HIBCH: variants seen among roughly 807,000 people sequenced by gnomAD.
HIBCH encodes 3-hydroxyisobutyryl-CoA hydrolase, also known as 3-hydroxyisobutyryl-CoA hydrolase, mitochondrial.
HIBCH carries 50 observed loss-of-function variants against 58.2 expected under a neutral mutation model. That is an observed-to-expected ratio of 0.86 (90% CI 0.68 to 1.09). The LOEUF is 1.09. Ranked by LOEUF, HIBCH falls within the 50% of genes least tolerant of loss-of-function variation. The pLI is 0.00. For missense variants in HIBCH, 450 were observed against 449.7 expected, an observed-to-expected ratio of 1.00 and a Z score of -0.01; for synonymous variants, 151 against 146.9, an observed-to-expected ratio of 1.03 and a Z score of -0.20.
chr2:190,234,498 A>G (rs1479041970), intron 11 of HIBCH, among the ~76,000 whole-genome samples: 1 of 152,214 alleles, frequency 6.6e-6, no homozygotes, highest in African/African-American at 2.4e-5. Context: ...TGTAAGTACA[A>G]TCTGGATGAA....
At chr2:190,198,454 A>G (rs893957402) in intron 1 of HIBCH, among the ~76,000 whole-genome samples, 12 of 152,020 alleles carry the variant, frequency 7.9e-5, no homozygotes, top group African/African-American at 2.7e-4. Flanking sequence ...CAGCCTGGGC[A>G]AAATGGCAAA....
intron 11 of HIBCH, among the ~76,000 whole-genome samples, chr2:190,227,354 ACTGGC>A (rs1356877412): frequency 2.6e-5 from 4 of 152,210 alleles, no homozygotes; most frequent in African/African-American, 9.6e-5. Context: ...TGCTGGGAAA[ACTGGC>A]TAGCCATATG....
intron 6 of HIBCH, among the ~76,000 whole-genome samples, chr2:190,271,021 TATTA>T (rs1687382005): frequency 6.6e-6 from 1 of 151,990 alleles, no homozygotes. Context: ...TACATATTAT[TATTA>T]ATTATTTACC....
intron 2 of HIBCH, among the ~76,000 whole-genome samples, chr2:190,308,532 G>A (rs1688474759): frequency 6.6e-6 from 1 of 152,244 alleles, no homozygotes; most frequent in African/African-American, 2.4e-5. Context: ...GAGTAAGACT[G>A]TAGGTTTATA....
At chr2:190,305,964 T>C (rs922920911) in intron 2 of HIBCH, among the ~76,000 whole-genome samples, 2 of 152,176 alleles carry the variant, frequency 1.3e-5, no homozygotes, top group African/African-American at 4.8e-5. Context: ...TGTCTATCTT[T>C]CTCAGGCACT....
chr2:190,282,601 C>T (rs927986746), intron 6 of HIBCH, among the ~76,000 whole-genome samples: 1 of 152,164 alleles, frequency 6.6e-6, no homozygotes, highest in Non-Finnish European at 1.5e-5. Context: ...GGAAACAAAC[C>T]TCAACATGGG....
chr2:190,242,757 T>C (rs528370763), intron 11 of HIBCH, among the ~76,000 whole-genome samples: 11 of 152,308 alleles, frequency 7.2e-5, no homozygotes, highest in African/African-American at 2.6e-4. Context: ...ATTTCCTCCA[T>C]CTTTTGCTAA....
In HIBCH at chr2:190,197,711, C is replaced by A. The variant is rs900982918; in HGVS notation, c.*17+7389G>T. Among the ~76,000 whole-genome samples the A allele has an allele frequency of 6.6e-5, 10 of 152,178 alleles. No homozygotes were observed. Among genetic ancestry groups the A allele is most frequent in the African/African-American group, 2.4e-4 (10 of 41,436 alleles). ...GATCACAATCCAGTGTTGCTTGTTG[C>A]TCTATGCCTGAAAATAATGGCAACA... On this transcript the variant is annotated intron_variant, in intron 1 of 1. Coordinates refer to the HIBCH transcript ENST00000399855. The surrounding 1 kb of genome is among the most constrained non-coding windows in gnomAD (Gnocchi z 4.0).
intron 6 of HIBCH, among the ~76,000 whole-genome samples, chr2:190,286,919 GTTTATT>G (rs1276307958): frequency 3.3e-5 from 5 of 150,402 alleles, no homozygotes; most frequent in Admixed American, 2.6e-4. Flanking sequence ...AAAAGAATCA[GTTTATT>G]TTTAAGTAGA....
chr2:190,305,850 G>A (rs767511930), intron 2 of HIBCH, among the ~76,000 whole-genome samples: 2 of 152,144 alleles, frequency 1.3e-5, no homozygotes, highest in Non-Finnish European at 2.9e-5. Context: ...ACATCCAGCT[G>A]AACCCATAAT....
downstream of HIBCH, chr2:190,202,918 C>T (rs189753051): frequency 3.6e-5 from 6 of 167,168 alleles, no homozygotes; most frequent in Admixed American, 3.9e-4. Context: ...TGCCTTTGAT[C>T]CTAAAATTCT....
At chr2:190,199,573 T>TA (rs1690147245), downstream of HIBCH, 3 of 392,558 alleles carry the variant, frequency 7.6e-6, no homozygotes, top group Non-Finnish European at 1.3e-5. Flanking sequence ...AAGATAAAGC[T>TA]GTTTGTTTTT....
intron 5 of HIBCH, among the ~76,000 whole-genome samples, chr2:190,289,460 G>A (rs1333704962): frequency 6.6e-6 from 1 of 152,028 alleles, no homozygotes; most frequent in Admixed American, 6.6e-5. Flanking sequence ...ATATGGTCTA[G>A]GAGAATACAC....
chr2:190,253,476 T>C (rs904997921), intron 7 of HIBCH, among the ~76,000 whole-genome samples: 1 of 152,094 alleles, frequency 6.6e-6, no homozygotes, highest in South Asian at 2.1e-4. Flanking sequence ...GTTAAACTCA[T>C]AACCTCCCCG....
intron 2 of HIBCH, among the ~76,000 whole-genome samples, chr2:190,298,689 G>A (rs529907446): frequency 2.6e-5 from 4 of 152,064 alleles, no homozygotes; most frequent in African/African-American, 9.6e-5. Context: ...TCTGTAGACT[G>A]CCTGTTCATG....
At chr2:190,270,984 T>G (rs1017295652) in intron 6 of HIBCH, among the ~76,000 whole-genome samples, 2 of 152,102 alleles carry the variant, frequency 1.3e-5, no homozygotes, top group African/African-American at 4.8e-5. Context: ...CAACAACAAA[T>G]AATTGAGAGA....
At chr2:190,239,909 C>T (rs962475527) in intron 11 of HIBCH, among the ~76,000 whole-genome samples, 31 of 152,326 alleles carry the variant, frequency 2.0e-4, no homozygotes, top group African/African-American at 5.1e-4. Context: ...TTCGGCCTCC[C>T]AAAGTGCTGG....
chr2:190,300,031 G>T (rs892490609), intron 2 of HIBCH, among the ~76,000 whole-genome samples: 9 of 152,180 alleles, frequency 5.9e-5, no homozygotes, highest in African/African-American at 1.9e-4. Flanking sequence ...GTATTCTATG[G>T]TGTATATGTA....
At chr2:190,230,399 C>A (rs917202701) in intron 11 of HIBCH, among the ~76,000 whole-genome samples, 7 of 152,284 alleles carry the variant, frequency 4.6e-5, no homozygotes, top group Non-Finnish European at 7.4e-5. Context: ...ATAAAAGTCA[C>A]GTATTCTTTA....
Sources: allele counts gnomAD v4.1 joint callset (sites outside exome capture counted in the v4.1 genomes callset), GRCh38; gene constraint gnomAD v4.1.1; non-coding constraint Gnocchi (gnomAD v3.1); transcripts MANE v1.5; gene names NCBI Gene and HGNC (gene_info 2026-07-23, HGNC 2026-07-21).